PEX3: variants seen among roughly 807,000 people sequenced by gnomAD.
The protein encoded by PEX3 is peroxin-3.
PEX3 carries 30 observed loss-of-function variants against 55.8 expected under a neutral mutation model. The observed-to-expected ratio is 0.54, with a 90% CI of 0.40 to 0.73. PEX3 has a LOEUF of 0.73. Among genes scored for constraint, PEX3 ranks in the 30% least tolerant of loss-of-function variants. PEX3 has a pLI of 0.00. For missense variants in PEX3, 351 were observed against 432.8 expected, an observed-to-expected ratio of 0.81 and a Z score of 1.68; for synonymous variants, 135 against 148.4, an observed-to-expected ratio of 0.91 and a Z score of 0.66.
In PEX3 at chr6:143,463,531, T is replaced by C. The variant is rs1779952168; in HGVS notation, c.287+534T>C. Among the ~76,000 whole-genome samples, 1 of 150,012 alleles carries C rather than the reference T, an allele frequency of 6.7e-6. No individual in the cohort carries two copies. Among genetic ancestry groups the C allele is most frequent in the South Asian group, 2.1e-4 (1 of 4,836 alleles). On this transcript the variant is annotated intron_variant, in intron 3 of 11. Coordinates refer to ENST00000367591, the MANE Select transcript of PEX3 (RefSeq NM_003630.3). This position sits in a 1 kb window ranked among gnomAD's most constrained non-coding sequence, Gnocchi z 5.7. ...CAAAAGCACTTTCACATATGTAACCTTGTATATTGCATGTAGCATGTGTTG... is the reference window on the plus strand; with the variant it reads ...CAAAAGCACTTTCACATATGTAACCCTGTATATTGCATGTAGCATGTGTTG...
At position 143,482,150 on chromosome 6, in the gene PEX3, T is replaced by C. The variant is rs1447091390; in HGVS notation, c.941+2952T>C. Among the ~76,000 whole-genome samples, 1 of 152,184 alleles carries C rather than the reference T, an allele frequency of 6.6e-6. No homozygotes were observed. The highest frequency in any genetic ancestry group is 1.5e-5 in the Non-Finnish European group (1 of 68,020). On this transcript the variant is annotated intron_variant, in intron 10 of 11. Coordinates refer to ENST00000367591, the MANE Select transcript of PEX3 (RefSeq NM_003630.3). The surrounding 1 kb of genome is among the most constrained non-coding windows in gnomAD (Gnocchi z 5.5). ...GCTAGGAGAAGACCAATTTTGAGAT[T>C]CAATTAAGGAAAGCTGTTGATTTTT...
In PEX3 at chr6:143,466,589, G is replaced by A. The variant is rs760414969; in HGVS notation, c.288-1533G>A. 6.6e-6 allele frequency among the ~76,000 whole-genome samples: 1 copy of A among 152,008 alleles called. No homozygotes were observed. Among genetic ancestry groups the A allele is most frequent in the African/African-American group, 2.4e-5 (1 of 41,416 alleles). ...ATGTATAGGATAAAACATAGTATAT[G>A]TAGGGGTTGGTACTATCTTCAGTTT... is the stretch of plus-strand genomic sequence containing the variant. On this transcript the variant is annotated intron_variant, in intron 3 of 11. Transcript: ENST00000367591. This position sits in a 1 kb window ranked among gnomAD's most constrained non-coding sequence, Gnocchi z 5.4.
rs1263801801 is a variant in PEX3 at position 143,463,062 on chromosome 6, A to C, written c.287+65A>C. On this transcript the variant is annotated intron_variant, in intron 3 of 11. Transcript: ENST00000367591. This position sits in a 1 kb window ranked among gnomAD's most constrained non-coding sequence, Gnocchi z 5.7. Reference sequence around the variant, plus strand: ...CTTAAAGTTTATAGAATGAACTGATAGACTTTTCAAAAATCTTTGTTATTT... The same window carrying C: ...CTTAAAGTTTATAGAATGAACTGATCGACTTTTCAAAAATCTTTGTTATTT... 1 of 1,163,968 alleles carries C rather than the reference A, an allele frequency of 8.6e-7. No homozygotes were observed. Among genetic ancestry groups the C allele is most frequent in the South Asian group, 1.3e-5 (1 of 79,266 alleles). 72.1% of individuals were successfully genotyped at this position (1,163,968 alleles called of 1,614,324 possible). A position where few individuals can be genotyped will look rare whatever the true frequency, so the allele number is the denominator to read the frequency against.
intron 1 of PEX3, among the ~76,000 whole-genome samples, chr6:143,457,445 C>A (rs1779862407): frequency 6.6e-6 from 1 of 152,214 alleles, no homozygotes; most frequent in Admixed American, 6.5e-5. Context: ...TACCCTTTTA[C>A]TGAACTACTA....
intron 10 of PEX3, among the ~76,000 whole-genome samples, chr6:143,484,365 C>A (rs1405625343): frequency 6.6e-6 from 1 of 151,960 alleles, no homozygotes; most frequent in Non-Finnish European, 1.5e-5. Flanking sequence ...TGAATATAGG[C>A]AAGGGAAAGA....
chr6:143,474,776 A>G lies in PEX3; in HGVS notation c.748-10A>G. The G allele has an allele frequency of 6.8e-7, 1 of 1,466,850 alleles. No individual in the cohort carries two copies. Among genetic ancestry groups the G allele is most frequent in the South Asian group, 1.1e-5 (1 of 88,018 alleles). 90.9% of individuals were successfully genotyped at this position (1,466,850 alleles called of 1,614,324 possible). On this transcript the variant is annotated splice_polypyrimidine_tract_variant and intron_variant, in intron 8 of 11. Transcript: ENST00000367591. ...TTGAAAACCTTAAGTGTGACATTTT[A>G]ATTCTATAGGCCTGTGGACTTTCTC...
intron 9 of PEX3, among the ~76,000 whole-genome samples, chr6:143,478,674 T>C (rs891733069): frequency 2.0e-5 from 3 of 152,092 alleles, no homozygotes; most frequent in Non-Finnish European, 2.9e-5. Flanking sequence ...TCGTCAAGCT[T>C]CTTCATCCCT....
At chr6:143,474,182 G>A (rs528247268) in intron 8 of PEX3, among the ~76,000 whole-genome samples, 1 of 152,104 alleles carries the variant, frequency 6.6e-6, no homozygotes, top group South Asian at 2.1e-4. Flanking sequence ...GGGTGCGGTG[G>A]TGCACGCCTG....
At chr6:143,460,866 A>G in intron 2 of PEX3, among the ~76,000 whole-genome samples, 1 of 128,436 alleles carries the variant, frequency 7.8e-6, no homozygotes, top group African/African-American at 3.7e-5. Context: ...CTCTGTCTCA[A>G]AAAAAAAAAA....
chr6:143,472,486 A>G lies in PEX3; in HGVS notation c.747+158A>G, dbSNP rs150239803. 8 of 632,108 alleles carry G rather than the reference A, an allele frequency of 1.3e-5. No homozygotes were observed. The South Asian group carries it at 1.3e-4, about 10-fold the overall frequency. 39.2% of individuals were successfully genotyped at this position (632,108 alleles called of 1,614,324 possible). ...AACCCATTAATTTAGAAAAACAGCC[A>G]TTATGAGTGATTTCTAGTAAGAAGC... is the stretch of plus-strand genomic sequence containing the variant. On this transcript the variant is annotated intron_variant, in intron 8 of 11. Transcript: ENST00000367591.
chr6:143,474,171 C>T (rs546251265), intron 8 of PEX3, among the ~76,000 whole-genome samples: 4 of 151,654 alleles, frequency 2.6e-5, no homozygotes, highest in African/African-American at 4.8e-5. Flanking sequence ...AAAAAAAGGC[C>T]GGGTGCGGTG....
In PEX3 at chr6:143,451,507, A is replaced by G. The variant is rs1310019985; in HGVS notation, c.73+392A>G. Among the ~76,000 whole-genome samples, 1 of 152,188 alleles carries G rather than the reference A, an allele frequency of 6.6e-6. No individual in the cohort carries two copies. Among genetic ancestry groups the G allele is most frequent in the African/African-American group, 2.4e-5 (1 of 41,450 alleles). On this transcript the variant is annotated intron_variant, in intron 1 of 11. Transcript: ENST00000367591. The surrounding 1 kb of genome is among the most constrained non-coding windows in gnomAD (Gnocchi z 4.1). ...TGATACTTTGGCTCTCACCCTTCTC[A>G]GGAGTTTAATAATAATCTAGGGAAG...
In PEX3 at chr6:143,472,155, T is replaced by C. The variant is rs1267571334; in HGVS notation, c.579-5T>C. The C allele has an allele frequency of 6.3e-7, 1 of 1,589,458 alleles. No homozygotes were observed. Among genetic ancestry groups the C allele is most frequent in the Non-Finnish European group, 8.6e-7 (1 of 1,158,078 alleles). On this transcript the variant is annotated splice_region_variant and splice_polypyrimidine_tract_variant and intron_variant, in intron 7 of 11. Transcript: ENST00000367591. ...TTATCCCAATTCCCTTTTCTCTGTTTCTAGTGTTTCTCTTAAACATTCTTT... is the reference window on the plus strand; with the variant it reads ...TTATCCCAATTCCCTTTTCTCTGTTCCTAGTGTTTCTCTTAAACATTCTTT...
intron 9 of PEX3, 67 bp downstream of exon 9, chr6:143,474,923 GT>G: frequency 1.1e-6 from 1 of 870,782 alleles, no homozygotes; most frequent in South Asian, 1.3e-5. Context: ...CTATTTTTTA[GT>G]TTTTCTTGAA....
rs1344866356 is a variant in PEX3 at position 143,485,107 on chromosome 6, G to C, written c.942-45G>C. The C allele has an allele frequency of 1.0e-6, 1 of 1,002,054 alleles. No homozygotes were observed. Among genetic ancestry groups the C allele is most frequent in the Non-Finnish European group, 1.6e-6 (1 of 621,892 alleles). 62.1% of individuals were successfully genotyped at this position (1,002,054 alleles called of 1,614,324 possible). ...TTTATAATTAAGATGTTAAAGTCCT[G>C]TGGGGTCATTTCAGAAAATAATCAT... On this transcript the variant is annotated intron_variant, in intron 10 of 11. Transcript: ENST00000367591. The surrounding 1 kb of genome is among the most constrained non-coding windows in gnomAD (Gnocchi z 5.6).
rs1049705663 is a variant in PEX3 at position 143,488,263 on chromosome 6, A to G, written c.1039-880A>G. On this transcript the variant is annotated intron_variant, in intron 11 of 11. Coordinates refer to ENST00000367591, the MANE Select transcript of PEX3 (RefSeq NM_003630.3). The surrounding 1 kb of genome is among the most constrained non-coding windows in gnomAD (Gnocchi z 4.9). ...TCTTTGACACTCTCAGAGGCTGTCA[A>G]CCTTTTCTATCATGGACCCTTTCAC... Among the ~76,000 whole-genome samples, 2 of 152,042 alleles carry G rather than the reference A, an allele frequency of 1.3e-5. No individual in the cohort carries two copies. Among genetic ancestry groups the G allele is most frequent in the Non-Finnish European group, 2.9e-5 (2 of 67,956 alleles).
Position 143,468,209 on chromosome 6 carries a change from T to G in PEX3, c.331+44T>G, listed in dbSNP as rs757195722. The G allele has an allele frequency of 1.2e-5, 16 of 1,308,594 alleles. No homozygotes were observed. The Middle Eastern group carries it at 5.4e-4, about 45-fold the overall frequency. The allele number at this position is 1,308,594 out of a possible 1,614,324, so 81.1% of individuals were successfully genotyped here. On this transcript the variant is annotated intron_variant, in intron 4 of 11. Transcript: ENST00000367591. Reference sequence around the variant, plus strand: ...TGTGACAGCACATCCTTAAAATATTTATAAAGGGAAATGTTTGCATTCTAT... The same window carrying G: ...TGTGACAGCACATCCTTAAAATATTGATAAAGGGAAATGTTTGCATTCTAT...
Position 143,479,979 on chromosome 6 carries a change from T to C in PEX3, c.941+781T>C, listed in dbSNP as rs1181798948. 6.6e-6 allele frequency among the ~76,000 whole-genome samples: 1 copy of C among 152,056 alleles called. No individual in the cohort carries two copies. On this transcript the variant is annotated intron_variant, in intron 10 of 11. Transcript: ENST00000367591. The surrounding 1 kb of genome is among the most constrained non-coding windows in gnomAD (Gnocchi z 4.6). ...AGTAGCTTTAAAATTTTTTTTTTAA[T>C]TGGGGACACAGTAATTGATAGGCAA...
At chr6:143,456,723 C>T (rs1170900865) in intron 1 of PEX3, among the ~76,000 whole-genome samples, 2 of 152,172 alleles carry the variant, frequency 1.3e-5, no homozygotes, top group Non-Finnish European at 2.9e-5. Flanking sequence ...CTCATTTTAA[C>T]TTGATTACCA....
Sources: gnomAD v4.1 joint callset for allele counts (sites outside exome capture counted in the v4.1 genomes callset) on GRCh38, gnomAD v4.1.1 for gene constraint, Gnocchi (gnomAD v3.1) non-coding constraint, MANE v1.5 for transcripts, NCBI Gene and HGNC (gene_info 2026-07-23, HGNC 2026-07-21) for gene names.